Variants in CDH23 observed in about 807,000 individuals in gnomAD.
CDH23 encodes cadherin related 23.
Under a neutral mutation model 317.1 loss-of-function variants are expected in CDH23, and 189 were observed. The observed-to-expected ratio is 0.60, with a 90% CI of 0.53 to 0.67. CDH23 has a LOEUF of 0.67. CDH23 is among the 30% of genes least tolerant of loss of function. The pLI is 0.00. For synonymous variants in CDH23, 1,839 were observed against 1,876.8 expected, an observed-to-expected ratio of 0.98 and a Z score of 0.52; for missense variants, 4,401 against 4,592.4, an observed-to-expected ratio of 0.96 and a Z score of 1.20.
intron 48 of CDH23, chr10:71,795,682 T>G: frequency 4.4e-6 from 2 of 458,338 alleles, no homozygotes; most frequent in Non-Finnish European, 5.7e-6. Flanking sequence ...CCTCTTCCCC[T>G]CCCCACTCCC....
intron 7 of CDH23, among the ~76,000 whole-genome samples, chr10:71,569,611 T>C (rs536204624): frequency 3.3e-5 from 5 of 152,296 alleles, no homozygotes; most frequent in African/African-American, 1.2e-4. Flanking sequence ...TAGTGGCAAA[T>C]TTTTATGTGA....
intron 6 of CDH23, among the ~76,000 whole-genome samples, chr10:71,521,905 C>A (rs575476886): frequency 6.6e-6 from 1 of 152,286 alleles, no homozygotes; most frequent in South Asian, 2.1e-4. Context: ...CCTGGCCCCC[C>A]ACCTGCAGAC....
At chr10:71,521,926 G>C (rs1001681136) in intron 6 of CDH23, among the ~76,000 whole-genome samples, 1 of 152,158 alleles carries the variant, frequency 6.6e-6, no homozygotes, top group East Asian at 1.9e-4. Context: ...AGGGGCGGTC[G>C]CCTGCCTGTG....
chr10:71,526,710 A>G (rs1007037829), intron 6 of CDH23, among the ~76,000 whole-genome samples: 14 of 152,230 alleles, frequency 9.2e-5, no homozygotes, highest in African/African-American at 3.4e-4. Flanking sequence ...CTGAACAGCA[A>G]TAATAATAAC....
chr10:71,718,249 A>G (rs1478345726), intron 28 of CDH23, among the ~76,000 whole-genome samples: 1 of 152,050 alleles, frequency 6.6e-6, no homozygotes, highest in African/African-American at 2.4e-5. Context: ...CTAGTTCCCC[A>G]CCCGAGGGAC....
At chr10:71,525,252 C>A (rs4747159) in intron 6 of CDH23, among the ~76,000 whole-genome samples, 33,908 of 152,264 alleles carry the variant, frequency 0.22, 4,025 homozygotes, top group East Asian at 0.34. Context: ...GACTTCTGAC[C>A]TTTAGAACCA....
At position 71,695,469 on chromosome 10, in the gene CDH23, G is replaced by T; in HGVS notation, c.2341G>T (p.Ala781Ser). The change falls in exon 22 of 70, where the codon GCA becomes TCA. Residue 781 changes from alanine to serine, a missense_variant. Coordinates refer to ENST00000224721, the MANE Select transcript of CDH23 (RefSeq NM_022124.6). ...INDNHPTWKD[A>S]PYYINLVEMT... The stretch of plus-strand genomic sequence containing the variant: ...TGACAACCACCCCACGTGGAAGGAC[G>T]CACCCTACTACATCAACCTGGTGGA... The T allele has an allele frequency of 6.2e-7, 1 of 1,613,536 alleles. No individual in the cohort carries two copies. Among genetic ancestry groups the T allele is most frequent in the Non-Finnish European group, 8.5e-7 (1 of 1,179,454 alleles).
chr10:71,556,117 A>G (rs1454818483), intron 6 of CDH23, among the ~76,000 whole-genome samples: 1 of 152,230 alleles, frequency 6.6e-6, no homozygotes. Context: ...CTGAACTGAA[A>G]TCGAGGACCT....
intron 31 of CDH23, among the ~76,000 whole-genome samples, chr10:71,731,061 C>T (rs927852774): frequency 7.9e-5 from 12 of 152,224 alleles, no homozygotes; most frequent in African/African-American, 1.9e-4. Flanking sequence ...CTTCCTGTGC[C>T]GCAGGGCAGT....
intron 62 of CDH23, 122 bp downstream of exon 62, chr10:71,810,691 C>A: frequency 1.1e-6 from 1 of 870,614 alleles, no homozygotes; most frequent in Non-Finnish European, 1.8e-6. Context: ...CTGTGTGGGG[C>A]CATCTCCCAG....
chr10:71,802,404 T>C (rs2132976037), intron 53 of CDH23, among the ~76,000 whole-genome samples: 1 of 152,348 alleles, frequency 6.6e-6, no homozygotes, highest in East Asian at 1.9e-4. Flanking sequence ...CATGGTTTGC[T>C]GTGTCTGTAA....
chr10:71,702,725 C>A (rs1295533719), intron 24 of CDH23, 31 bp downstream of exon 24: 5 of 1,612,704 alleles, frequency 3.1e-6, no homozygotes, highest in Non-Finnish European at 4.2e-6. Context: ...TCCTACCAGC[C>A]CAGAGGTGGG....
intron 3 of CDH23, among the ~76,000 whole-genome samples, chr10:71,480,271 G>A (rs1029960613): frequency 5.3e-5 from 8 of 152,246 alleles, no homozygotes; most frequent in African/African-American, 1.2e-4. Flanking sequence ...TCTGCAGCGC[G>A]TCTGCCCACA....
At chr10:71,718,193 G>C (rs537351714) in intron 28 of CDH23, among the ~76,000 whole-genome samples, 1 of 152,104 alleles carries the variant, frequency 6.6e-6, no homozygotes, top group Admixed American at 6.5e-5. Flanking sequence ...GTCAGGTCAC[G>C]CTCAGAGAAA....
At chr10:71,752,099 TC>T (rs1564775195) in intron 38 of CDH23, 1 of 675,106 alleles carries the variant, frequency 1.5e-6, no homozygotes, top group South Asian at 1.5e-5. Context: ...CCCCAGCTCC[TC>T]CCTGTGGTCT....
intron 38 of CDH23, chr10:71,761,944 C>T (rs1395430349): frequency 1.9e-6 from 3 of 1,613,882 alleles, no homozygotes; most frequent in Non-Finnish European, 1.7e-6. Context: ...GGCCCAAGAG[C>T]CTGCAGGTGA....
intron 9 of CDH23, among the ~76,000 whole-genome samples, chr10:71,583,295 G>A (rs988677802): frequency 1.3e-5 from 2 of 152,046 alleles, no homozygotes; most frequent in African/African-American, 2.4e-5. Context: ...GGCAGGGCGG[G>A]CCATGCAGCA....
intron 3 of CDH23, among the ~76,000 whole-genome samples, chr10:71,456,666 G>C (rs1850712947): frequency 6.6e-6 from 1 of 152,210 alleles, no homozygotes; most frequent in African/African-American, 2.4e-5. Context: ...GGGGGGTGGG[G>C]TAGGGACATG....
chr10:71,450,470 G>A (rs575800711), intron 3 of CDH23, among the ~76,000 whole-genome samples: 36 of 152,086 alleles, frequency 2.4e-4, no homozygotes, highest in African/African-American at 6.7e-4. Flanking sequence ...GTTTCACCAC[G>A]TTGTCCAGGC....
Sources: allele counts gnomAD v4.1 joint callset (sites outside exome capture counted in the v4.1 genomes callset), GRCh38; gene constraint gnomAD v4.1.1; transcripts MANE v1.5; gene names NCBI Gene and HGNC (gene_info 2026-07-23, HGNC 2026-07-21).